The following COL6A5 variants were observed in gnomAD, a reference collection of about 807,000 sequenced individuals.
COL6A5 encodes the protein collagen type VI alpha 5 chain.
In COL6A5, 48 loss-of-function variants were observed where a neutral mutation model predicts 65.6. That is an observed-to-expected ratio of 0.73 (90% CI 0.58 to 0.93). The LOEUF (loss-of-function observed/expected upper bound fraction) is 0.93. Ranked by LOEUF, COL6A5 falls within the 40% of genes least tolerant of loss-of-function variation. The pLI is 0.00. For synonymous variants in COL6A5, 291 were observed against 322.8 expected (o/e 0.90, Z 1.05); for missense variants, 914 against 928.3 (o/e 0.98, Z 0.20).
upstream of COL6A5, chr3:130,431,332 G>A (rs1210851594): frequency 1.9e-5 from 18 of 971,232 alleles, no homozygotes; most frequent in Non-Finnish European, 2.7e-5. Context: ...TTGCACATGG[G>A]TACCTTTAGT....
At chr3:130,482,752 G>A (rs1235376590) in intron 7 of COL6A5, among the ~76,000 whole-genome samples, 4 of 151,998 alleles carry the variant, frequency 2.6e-5, no homozygotes, top group African/African-American at 7.3e-5. Context: ...CCTTGAAGAC[G>A]TCCTTCACAT....
At chr3:130,448,526 G>T (rs1034232933) in intron 4 of COL6A5, among the ~76,000 whole-genome samples, 2 of 151,946 alleles carry the variant, frequency 1.3e-5, no homozygotes, top group Non-Finnish European at 2.9e-5. Context: ...ATTGTTTATC[G>T]ACCACCATTC....
chr3:130,410,215 AT>A, intron 19 of COL6A5, 141 bp downstream of exon 19: 3 of 699,582 alleles, frequency 4.3e-6, no homozygotes, highest in Non-Finnish European at 7.2e-6. Context: ...GATGATGCAT[AT>A]TTGTAGTAGG....
intron 2 of COL6A5, among the ~76,000 whole-genome samples, chr3:130,374,582 T>C (rs559542488): frequency 3.3e-5 from 5 of 152,184 alleles, no homozygotes; most frequent in African/African-American, 4.8e-5. Context: ...GCCTCCCAAA[T>C]AGCTGGGACT....
In COL6A5 at chr3:130,394,854, CA is replaced by C. The variant is rs1936537474; in HGVS notation, c.2993-35del. ...AGGAAAGGAAAAATTTCGAATGATT[CA>C]TGAGGAAAATAATTTATTCTTTTTT... On this transcript the variant is annotated intron_variant and NMD_transcript_variant, in intron 7 of 41. Transcript: ENST00000312481. 4.0e-6 allele frequency: 6 copies of C among 1,487,036 alleles called. No individual in the cohort carries two copies. In the South Asian group the frequency reaches 7.6e-5, roughly 19 times the overall value. 92.1% of individuals were successfully genotyped at this position (1,487,036 alleles called of 1,614,324 possible).
intron 29 of COL6A5, among the ~76,000 whole-genome samples, chr3:130,424,824 T>C (rs755605403): frequency 4.6e-5 from 7 of 152,080 alleles, no homozygotes; most frequent in Admixed American, 2.6e-4. Context: ...ATCTGGTCTG[T>C]TCTGGATTTA....
chr3:130,422,557 CTTAG>C (rs1937536231), intron 27 of COL6A5, among the ~76,000 whole-genome samples, 159 bp from the exon 28 acceptor site: 1 of 151,780 alleles, frequency 6.6e-6, no homozygotes, highest in African/African-American at 2.4e-5. Context: ...GTACCAATGA[CTTAG>C]TTCCAAATGA....
intron 22 of COL6A5, among the ~76,000 whole-genome samples, chr3:130,415,227 G>C (rs1476687500): frequency 6.6e-6 from 1 of 152,142 alleles, no homozygotes; most frequent in Non-Finnish European, 1.5e-5. Context: ...TCTTCTGATA[G>C]AGGTCTGCTG....
At chr3:130,363,525 C>T (rs1935216299) in intron 1 of COL6A5, among the ~76,000 whole-genome samples, 1 of 152,180 alleles carries the variant, frequency 6.6e-6, no homozygotes, top group Non-Finnish European at 1.5e-5. Flanking sequence ...TTCCTTTCGT[C>T]TAGGCCAGCT....
At chr3:130,375,455 C>T (rs1222150462) in intron 2 of COL6A5, among the ~76,000 whole-genome samples, 1 of 152,008 alleles carries the variant, frequency 6.6e-6, no homozygotes, top group Non-Finnish European at 1.5e-5. Context: ...TGTTCCCTGT[C>T]CTATCCTGTT....
intron 1 of COL6A5, among the ~76,000 whole-genome samples, chr3:130,364,956 G>T (rs1017795091): frequency 1.3e-5 from 2 of 152,196 alleles, no homozygotes; most frequent in Non-Finnish European, 2.9e-5. Flanking sequence ...AAAGTCGAGG[G>T]ATTGATCAGG....
chr3:130,459,743 A>G (rs1370327801), intron 5 of COL6A5, among the ~76,000 whole-genome samples: 1 of 151,912 alleles, frequency 6.6e-6, no homozygotes, highest in African/African-American at 2.4e-5. Context: ...TTTACAAATG[A>G]TAAAAGTACT....
chr3:130,429,656 A>G, upstream of COL6A5: 1 of 1,336,706 alleles, frequency 7.5e-7, no homozygotes, highest in South Asian at 1.4e-5. Context: ...AATCTGAAAG[A>G]TGCCCTCAAC....
At chr3:130,380,974 A>G (rs137859226) in intron 4 of COL6A5, among the ~76,000 whole-genome samples, 37 of 152,224 alleles carry the variant, frequency 2.4e-4, no homozygotes, top group Non-Finnish European at 4.0e-4. Flanking sequence ...TCGTTGTCCA[A>G]AATAATGGCT....
intron 1 of COL6A5, among the ~76,000 whole-genome samples, chr3:130,372,404 C>CATCAACTG (rs1935600822): frequency 6.6e-6 from 1 of 151,882 alleles, no homozygotes; most frequent in African/African-American, 2.4e-5. Context: ...AAAGTAGAAA[C>CATCAACTG]AACCCAAATG....
At chr3:130,444,357 AG>A (rs201749973) in intron 4 of COL6A5, among the ~76,000 whole-genome samples, 2,887 of 152,276 alleles carry the variant, frequency 0.019, 50 homozygotes, top group Non-Finnish European at 0.029. Flanking sequence ...GGAAATCACA[AG>A]GGTATTGATT....
chr3:130,427,146 A>G (rs534411644), upstream of COL6A5, among the ~76,000 whole-genome samples: 1 of 152,338 alleles, frequency 6.6e-6, no homozygotes, highest in South Asian at 2.1e-4. Flanking sequence ...TTTGAAAAAT[A>G]CAGGCATTAA....
intron 7 of COL6A5, 107 bp downstream of exon 39, chr3:130,471,074 T>TTG (rs34150957): frequency 0.46 from 252,484 of 550,798 alleles, 36,036 homozygotes; most frequent in Non-Finnish European, 0.51. Context: ...GTGTGTGTTT[T>TTG]TGTGTGTGTG....
intron 18 of COL6A5, 99 bp from the exon 19 acceptor site, chr3:130,409,910 A>G: frequency 1.3e-6 from 1 of 791,256 alleles, no homozygotes. Context: ...CACCTCTTAT[A>G]GCTTGACCCA....
Sources: gnomAD v4.1 joint callset for allele counts (sites outside exome capture counted in the v4.1 genomes callset) on GRCh38, gnomAD v4.1.1 for gene constraint, MANE v1.5 for transcripts, NCBI Gene and HGNC (gene_info 2026-07-23, HGNC 2026-07-21) for gene names.